CALN1: variants seen among roughly 807,000 people sequenced by gnomAD.
The protein encoded by CALN1 is calneuron 1.
A neutral mutation model predicts 30.6 loss-of-function variants in CALN1; 17 were observed. That is an observed-to-expected ratio of 0.56 (90% CI 0.38 to 0.83). The LOEUF is 0.83. Ranked by LOEUF, CALN1 falls within the 40% of genes least tolerant of loss-of-function variation. The probability of loss-of-function intolerance (pLI) is 0.00; values close to 1 mark genes in which losing one functional copy is unlikely to be tolerated. For missense variants in CALN1, 291 were observed against 354.9 expected (o/e 0.82, Z 1.45); for synonymous variants, 156 against 131.4 (o/e 1.19, Z -1.28).
chr7:72,162,221 A>C (rs905914453), intron 3 of CALN1, among the ~76,000 whole-genome samples: 2 of 152,058 alleles, frequency 1.3e-5, no homozygotes, highest in Non-Finnish European at 2.9e-5. Context: ...TTGAGTCTTA[A>C]GAGCCAATTT....
chr7:72,366,129 T>C (rs1803864104), intron 2 of CALN1, among the ~76,000 whole-genome samples: 1 of 146,594 alleles, frequency 6.8e-6, no homozygotes, highest in Non-Finnish European at 1.5e-5. Context: ...ATTCCTATAA[T>C]GAATACTATT....
intron 2 of CALN1, among the ~76,000 whole-genome samples, chr7:72,401,223 G>A (rs1297167730): frequency 2.0e-5 from 3 of 152,142 alleles, no homozygotes; most frequent in African/African-American, 4.8e-5. Flanking sequence ...GAACTGAAGG[G>A]CAGGAGGCAA....
chr7:71,885,989 C>A (rs1371888010), intron 5 of CALN1, among the ~76,000 whole-genome samples: 2 of 152,208 alleles, frequency 1.3e-5, no homozygotes, highest in African/African-American at 2.4e-5. Flanking sequence ...AATTCCTTCC[C>A]AACAAACATA....
At chr7:72,301,245 G>A (rs1318054142) in intron 2 of CALN1, among the ~76,000 whole-genome samples, 1 of 152,052 alleles carries the variant, frequency 6.6e-6, no homozygotes, top group African/African-American at 2.4e-5. Context: ...GGTGGACAGG[G>A]GGTGACTGAT....
chr7:72,068,260 C>G (rs1001336388), intron 4 of CALN1, among the ~76,000 whole-genome samples: 1 of 152,178 alleles, frequency 6.6e-6, no homozygotes, highest in Admixed American at 6.6e-5. Flanking sequence ...ACACTATTTA[C>G]TCATCAAATA....
chr7:72,016,713 G>C (rs1414114573), intron 5 of CALN1, among the ~76,000 whole-genome samples: 3 of 151,796 alleles, frequency 2.0e-5, no homozygotes, highest in East Asian at 3.9e-4. Context: ...CACTGTGCCA[G>C]GCCTAAAGTC....
chr7:72,457,571 A>G, the CALN1 span, among the ~76,000 whole-genome samples: 2 of 152,070 alleles, frequency 1.3e-5, no homozygotes, highest in Non-Finnish European at 2.9e-5. Flanking sequence ...TGTCACATTC[A>G]CTGGGAAACC....
At chr7:71,895,960 C>T (rs1793508622) in intron 5 of CALN1, among the ~76,000 whole-genome samples, 1 of 152,164 alleles carries the variant, frequency 6.6e-6, no homozygotes, top group Non-Finnish European at 1.5e-5. Context: ...CTTGGAACCA[C>T]ACTGGCCACA....
intron 2 of CALN1, among the ~76,000 whole-genome samples, chr7:72,341,588 C>G (rs1802388808): frequency 6.6e-6 from 1 of 152,110 alleles, no homozygotes; most frequent in South Asian, 2.1e-4. Context: ...ACATGAAGTT[C>G]CTGGTAAAAT....
intron 5 of CALN1, among the ~76,000 whole-genome samples, chr7:71,922,767 ATAT>A (rs902615105): frequency 1.4e-4 from 19 of 140,172 alleles, no homozygotes; most frequent in African/African-American, 3.6e-4. Context: ...CATACCGAAT[ATAT>A]TATATATAAA....
intron 6 of CALN1, among the ~76,000 whole-genome samples, chr7:71,804,706 C>A (rs556677684): frequency 7.2e-5 from 11 of 151,952 alleles, no homozygotes; most frequent in South Asian, 4.2e-4. Context: ...GTAATCCCAG[C>A]ACTTTGGGAG....
chr7:72,049,680 G>T (rs2129535567), intron 4 of CALN1, among the ~76,000 whole-genome samples: 1 of 151,658 alleles, frequency 6.6e-6, no homozygotes, highest in Admixed American at 6.6e-5. Flanking sequence ...GCTATTTTTT[G>T]TGTTTTTAGT....
chr7:72,413,396 C>T (rs1807304131), upstream of CALN1, among the ~76,000 whole-genome samples: 1 of 152,004 alleles, frequency 6.6e-6, no homozygotes, highest in Non-Finnish European at 1.5e-5. Flanking sequence ...CATACATGCA[C>T]ACCACACATG....
chr7:72,363,678 G>C (rs1018146901), intron 2 of CALN1, among the ~76,000 whole-genome samples: 5 of 151,020 alleles, frequency 3.3e-5, no homozygotes, highest in African/African-American at 1.2e-4. Flanking sequence ...ATATGTAGTA[G>C]CTAAATGTCT....
At chr7:72,203,975 C>CTAT (rs1562730767) in intron 3 of CALN1, among the ~76,000 whole-genome samples, 1 of 101,578 alleles carries the variant, frequency 9.8e-6, no homozygotes, top group East Asian at 7.0e-4. Flanking sequence ...TAAGAGGCCT[C>CTAT]TCTCTTTTTT....
chr7:72,338,469 C>CTGTGTGTGTGTGTGTGTGTGTGTG (rs1562903665), intron 2 of CALN1, among the ~76,000 whole-genome samples: 1 of 41,946 alleles, frequency 2.4e-5, no homozygotes, highest in Non-Finnish European at 5.7e-5. Context: ...GCCAGCAGCA[C>CTGTGTGTGTGTGTGTGTGTGTGTG]AGTGTGTGTG....
At chr7:71,923,576 G>C (rs898973342) in intron 5 of CALN1, among the ~76,000 whole-genome samples, 1 of 151,826 alleles carries the variant, frequency 6.6e-6, no homozygotes, top group African/African-American at 2.4e-5. Context: ...CTGTTTTCCC[G>C]GTGCATTCTT....
chr7:72,025,137 C>A (rs1024958833), intron 4 of CALN1, among the ~76,000 whole-genome samples: 1 of 152,004 alleles, frequency 6.6e-6, no homozygotes, highest in Non-Finnish European at 1.5e-5. Flanking sequence ...ATGGTGAAAC[C>A]CTGTCTCTAC....
intron 5 of CALN1, among the ~76,000 whole-genome samples, chr7:71,952,944 C>T (rs966000452): frequency 2.6e-5 from 4 of 152,116 alleles, no homozygotes; most frequent in African/African-American, 4.8e-5. Flanking sequence ...GCATGGCTTT[C>T]GTGACTCAGT....
Sources: allele counts gnomAD v4.1 joint callset (sites outside exome capture counted in the v4.1 genomes callset), GRCh38; gene constraint gnomAD v4.1.1; transcripts MANE v1.5; gene names NCBI Gene and HGNC (gene_info 2026-07-23, HGNC 2026-07-21).